The following ESPN variants were observed in gnomAD, a reference collection of about 807,000 sequenced individuals.
ESPN encodes autosomal recessive deafness type 36 protein.
A neutral mutation model predicts 77.7 loss-of-function variants in ESPN; 68 were observed. That is an observed-to-expected ratio of 0.87 (90% confidence interval 0.72 to 1.07). The LOEUF is 1.07. Among genes scored for constraint, ESPN ranks in the 50% least tolerant of loss-of-function variants. The probability of loss-of-function intolerance (pLI) is 0.00; values close to 1 mark genes in which losing one functional copy is unlikely to be tolerated. For missense variants in ESPN, 1,060 were observed against 1,239.0 expected (o/e 0.86, Z 2.17); for synonymous variants, 449 against 567.1 (o/e 0.79, Z 2.96).
chr1:6,457,069 G>T, intron 10 of ESPN, 115 bp from the exon 11 acceptor site: 3 of 1,034,742 alleles, frequency 2.9e-6, no homozygotes, highest in Non-Finnish European at 4.4e-6. Flanking sequence ...TTGTCACACA[G>T]ATGTGCATCA....
chr1:6,436,174 G>T (rs1643431997), intron 2 of ESPN, among the ~76,000 whole-genome samples: 1 of 133,768 alleles, frequency 7.5e-6, no homozygotes, highest in African/African-American at 2.9e-5. Context: ...AGAGCAGAAG[G>T]GGTGTAGACG....
intron 3 of ESPN, 81 bp downstream of exon 3, chr1:6,440,521 G>C: frequency 8.6e-7 from 1 of 1,161,534 alleles, no homozygotes; most frequent in Non-Finnish European, 1.1e-6. Flanking sequence ...GGGGCCATCA[G>C]GGGTGGGGCG....
intron 2 of ESPN, among the ~76,000 whole-genome samples, chr1:6,435,841 G>C (rs1643416952): frequency 1.3e-5 from 2 of 152,244 alleles, no homozygotes; most frequent in Admixed American, 1.3e-4. Flanking sequence ...TGTGCACCAG[G>C]CACCAGGCCT....
chr1:6,460,217 C>G lies in ESPN; in HGVS notation c.*71C>G. The G allele has an allele frequency of 1.3e-6, 2 of 1,572,612 alleles. No individual in the cohort carries two copies. The highest frequency in any genetic ancestry group is 1.7e-6 in the Non-Finnish European group (2 of 1,155,012). ...CCGCCCCAGCCCCAGCCAGCCAGGC[C>G]CTGGTGGAAAGGCTGGGAGCCGCAC... On this transcript the variant is annotated 3_prime_UTR_variant, in exon 13 of 13. Coordinates refer to ENST00000645284, the MANE Select transcript of ESPN (RefSeq NM_031475.3).
intron 2 of ESPN, among the ~76,000 whole-genome samples, chr1:6,430,229 T>C (rs971374356): frequency 6.6e-6 from 1 of 152,092 alleles, no homozygotes; most frequent in African/African-American, 2.4e-5. Context: ...CTGTGAATCG[T>C]TGTGAATTAT....
At chr1:6,457,429 G>A in intron 12 of ESPN, 57 bp downstream of exon 12, 1 of 1,613,412 alleles carries the variant, frequency 6.2e-7, no homozygotes, top group East Asian at 2.2e-5. Context: ...GTCGCAGAGG[G>A]TCGTCCCTTC....
At chr1:6,425,334 G>A (rs1642997577) in intron 1 of ESPN, 85 bp downstream of exon 1, 1 of 1,494,896 alleles carries the variant, frequency 6.7e-7, no homozygotes, top group Admixed American at 2.0e-5. Context: ...GCTCAAGGAT[G>A]GGTGGGGTTT....
chr1:6,430,788 GAAA>G (rs1404846639), intron 2 of ESPN, among the ~76,000 whole-genome samples: 3 of 147,440 alleles, frequency 2.0e-5, no homozygotes, highest in Non-Finnish European at 4.5e-5. Context: ...GAAAAAAAAA[GAAA>G]AAAAAAAGGC....
intron 2 of ESPN, among the ~76,000 whole-genome samples, chr1:6,433,463 C>T (rs1437679950): frequency 8.6e-5 from 13 of 150,920 alleles, no homozygotes; most frequent in East Asian, 2.0e-4. Flanking sequence ...AAAAGTTAGC[C>T]GGGTGTGGTG....
At chr1:6,434,104 T>C (rs1312772164) in intron 2 of ESPN, among the ~76,000 whole-genome samples, 1 of 152,224 alleles carries the variant, frequency 6.6e-6, no homozygotes, top group East Asian at 1.9e-4. Context: ...GGTTTCACCA[T>C]GTTGGCCAGG....
chr1:6,441,011 G>A lies in ESPN; in HGVS notation c.936G>A (p.Ser312=). Residue 312 remains serine, a synonymous_variant, in exon 5 of 13, where the codon TCG becomes TCA. Coordinates refer to ENST00000645284, the MANE Select transcript of ESPN (RefSeq NM_031475.3). ...ACGGGTACACGGCCGCCGACCTGTC[G>A]GACTTCAACGGCCACAGCCACTGCA... ...DRDGYTAADL[S]DFNGHSHCTR... 1.2e-6 allele frequency: 2 copies of A among 1,610,484 alleles called. No individual in the cohort carries two copies. The highest frequency in any genetic ancestry group is 1.1e-5 in the South Asian group (1 of 90,596).
Position 6,425,073 on chromosome 1 carries a change from G to A in ESPN, c.118G>A (p.Val40Met). 6.7e-7 allele frequency: 1 copy of A among 1,486,600 alleles called. No homozygotes were observed. The highest frequency in any genetic ancestry group is 1.3e-5 in the South Asian group (1 of 78,990). 92.1% of individuals were successfully genotyped at this position (1,486,600 alleles called of 1,614,324 possible). The part of the protein sequence containing the change: ...SLRDPLDALP[V>M]HHAARAGKLH... ...GCGCGACCCGCTGGACGCGCTGCCC[G>A]TGCACCACGCGGCCCGCGCTGGGAA... Residue 40 changes from valine (V) to methionine (M), a missense_variant, in exon 1 of 13, where the codon GTG becomes ATG. Physicochemically the swap from Val to Met is conservative, Grantham distance 21. Transcript: ENST00000645284.
Position 6,450,279 on chromosome 1 carries a change from G to A in ESPN, c.1915+1188G>A, listed in dbSNP as rs1643921449. 6.2e-6 allele frequency: 1 copy of A among 161,820 alleles called. No individual in the cohort carries two copies. The highest frequency in any genetic ancestry group is 1.3e-5 in the Non-Finnish European group (1 of 76,578). The allele number at this position is 161,820 out of a possible 1,614,324, so 10.0% of individuals were successfully genotyped here. A position where few individuals can be genotyped will look rare whatever the true frequency, so the allele number is the denominator to read the frequency against. ...GATGGACCACCCTCATGGGGCCCCA[G>A]AGCAGCCTGAGCCAGGGTCAGATGG... On this transcript the variant is annotated intron_variant, in intron 8 of 12. Transcript: ENST00000645284. This position sits in a 1 kb window ranked among gnomAD's most constrained non-coding sequence, Gnocchi z 4.3.
At chr1:6,442,962 C>T (rs981789460) in intron 5 of ESPN, 3 of 150,530 alleles carry the variant, frequency 2.0e-5, no homozygotes, top group Non-Finnish European at 4.4e-5. Flanking sequence ...CACCTGAAGT[C>T]AGGGTTCGAG....
rs1056026591 is a variant in ESPN at position 6,452,202 on chromosome 1, C to T, written c.2325+106C>T. The T allele has an allele frequency of 1.0e-4, 103 of 1,017,844 alleles. 1 individual carries two copies. In the African/African-American group the frequency reaches 1.4e-3, roughly 14 times the overall value. The allele number at this position is 1,017,844 out of a possible 1,614,324, so 63.1% of individuals were successfully genotyped here. On this transcript the variant is annotated intron_variant, in intron 10 of 12. Coordinates refer to ENST00000645284, the MANE Select transcript of ESPN (RefSeq NM_031475.3). The stretch of plus-strand genomic sequence containing the variant: ...AACCTCGGGACCTCCCATTTTCTTT[C>T]TTTTTTTTTTTTCTTTTCTTGAGAC...
At chr1:6,440,603 C>CAA in intron 3 of ESPN, 23 bp from the exon 4 acceptor site, 23 of 1,261,192 alleles carry the variant, frequency 1.8e-5, no homozygotes, top group East Asian at 2.9e-5. Context: ...CCCCGCCCCC[C>CAA]TCTCCCCGCC....
chr1:6,448,988 G>A lies in ESPN; in HGVS notation c.1812G>A (p.Pro604=), dbSNP rs1643900523. The A allele has an allele frequency of 2.8e-6, 4 of 1,441,354 alleles. No individual in the cohort carries two copies. Among genetic ancestry groups the A allele is most frequent in the Non-Finnish European group, 1.8e-6 (2 of 1,103,342 alleles). 89.3% of individuals were successfully genotyped at this position (1,441,354 alleles called of 1,614,324 possible). A position where few individuals can be genotyped will look rare whatever the true frequency, so the allele number is the denominator to read the frequency against. Residue 604 remains proline (P), a synonymous_variant, in exon 8 of 13, where the codon CCG becomes CCA. Transcript: ENST00000645284. ...ELPPPPPPPP[P]PLPEAASSPP... Reference sequence around the variant, plus strand: ...CACCGCCGCCCCCACCGCCGCCGCCGCCCCTGCCGGAGGCCGCGAGTTCGC... The same window carrying A: ...CACCGCCGCCCCCACCGCCGCCGCCACCCCTGCCGGAGGCCGCGAGTTCGC...
At position 6,445,810 on chromosome 1, in the gene ESPN, C is replaced by T; in HGVS notation, c.1339C>T (p.Gln447Ter). The T allele has an allele frequency of 6.6e-7, 1 of 1,506,900 alleles. No individual in the cohort carries two copies. The highest frequency in any genetic ancestry group is 9.1e-7 in the Non-Finnish European group (1 of 1,098,268). 93.3% of individuals were successfully genotyped at this position (1,506,900 alleles called of 1,614,324 possible). ...CCCGCCACCCCCGCCCCCAGGCACCCAACTGCCCCCACCCCCACCTGGCTA... is the reference window on the plus strand; with the variant it reads ...CCCGCCACCCCCGCCCCCAGGCACCTAACTGCCCCCACCCCCACCTGGCTA... The part of the protein sequence containing the change: ...FPPPPPPPGT[Q>*]LPPPPPGYPA... The change falls in exon 7 of 13, where the codon CAA (glutamine) becomes TAA (stop). Residue 447 changes from glutamine to a stop codon, truncating the protein, a stop_gained. Coordinates refer to ENST00000645284, the MANE Select transcript of ESPN (RefSeq NM_031475.3). LOFTEE classifies it high-confidence loss of function.
At chr1:6,453,662 G>A (rs1557716879) in intron 10 of ESPN, among the ~76,000 whole-genome samples, 1 of 152,180 alleles carries the variant, frequency 6.6e-6, no homozygotes, top group South Asian at 2.1e-4. Context: ...AGAAGAGAAC[G>A]GACTTTCTCC....
Sources: gnomAD v4.1 joint callset for allele counts (sites outside exome capture counted in the v4.1 genomes callset) on GRCh38, gnomAD v4.1.1 for gene constraint, Gnocchi (gnomAD v3.1) non-coding constraint, MANE v1.5 for transcripts, NCBI Gene and HGNC (gene_info 2026-07-23, HGNC 2026-07-21) for gene names.